The following CMIP variants were observed in gnomAD, a reference collection of about 807,000 sequenced individuals.
CMIP encodes C-Maf-inducing protein.
In CMIP, 13 loss-of-function variants were observed where a neutral mutation model predicts 97.3. The ratio of observed to expected loss-of-function variants is 0.13; its 90% CI spans 0.09 to 0.21. The LOEUF (loss-of-function observed/expected upper bound fraction) is 0.21. Ranked by LOEUF, CMIP falls within the 10% of genes least tolerant of loss-of-function variation. CMIP has a pLI of 1.00. For synonymous variants in CMIP, 538 were observed against 436.3 expected (o/e 1.23, Z -2.91); for missense variants, 847 against 1,024.9 (o/e 0.83, Z 2.37).
At chr16:81,590,714 G>T (rs573061058) in intron 1 of CMIP, among the ~76,000 whole-genome samples, 9 of 152,292 alleles carry the variant, frequency 5.9e-5, no homozygotes, top group African/African-American at 1.7e-4. Flanking sequence ...CCCAGTCCTG[G>T]CGTAAACAAC....
chr16:81,607,381 T>C (rs1200470746), intron 1 of CMIP, among the ~76,000 whole-genome samples, 186 bp from the exon 2 acceptor site: 2 of 152,212 alleles, frequency 1.3e-5, no homozygotes, highest in African/African-American at 4.8e-5. Context: ...GTGAACCCCC[T>C]TGCAGCTGGA....
At chr16:81,645,055 T>G (rs2092348599) in intron 3 of CMIP, among the ~76,000 whole-genome samples, 1 of 152,234 alleles carries the variant, frequency 6.6e-6, no homozygotes, top group Non-Finnish European at 1.5e-5. Context: ...TGCACCACTA[T>G]AGTCACCACT....
chr16:81,704,422 C>T (rs1374468419), intron 18 of CMIP, among the ~76,000 whole-genome samples: 1 of 3,880 alleles, frequency 2.6e-4, no homozygotes, highest in South Asian at 5.1e-3. Flanking sequence ...TCCCTGCCCC[C>T]TCCCCCTCCT....
chr16:81,604,908 G>T (rs949977802), intron 1 of CMIP, among the ~76,000 whole-genome samples: 3 of 152,128 alleles, frequency 2.0e-5, no homozygotes, highest in Non-Finnish European at 4.4e-5. Context: ...TTGTAAGATA[G>T]TCATTAATTT....
intron 1 of CMIP, among the ~76,000 whole-genome samples, chr16:81,517,087 C>G (rs144488242): frequency 0.021 from 3,252 of 151,722 alleles, 52 homozygotes; most frequent in Non-Finnish European, 0.031. Flanking sequence ...CCTTCAAGGT[C>G]ATCAGTGGAA....
At chr16:81,605,398 G>C (rs910674487) in intron 1 of CMIP, among the ~76,000 whole-genome samples, 2 of 151,944 alleles carry the variant, frequency 1.3e-5, no homozygotes, top group African/African-American at 4.8e-5. Context: ...CAGCCTTGTC[G>C]CTCACCTGGA....
At chr16:81,482,183 C>T (rs754722355) in intron 1 of CMIP, among the ~76,000 whole-genome samples, 3 of 151,976 alleles carry the variant, frequency 2.0e-5, no homozygotes, top group Non-Finnish European at 2.9e-5. Context: ...CTGTCCCTGC[C>T]GCCTCTTATA....
intron 3 of CMIP, chr16:81,651,355 C>A (rs1043136328): frequency 4.7e-5 from 43 of 909,606 alleles, no homozygotes; most frequent in Non-Finnish European, 5.7e-5. Context: ...GGAACTAACT[C>A]TGCCTCAAAT....
chr16:81,697,443 C>G (rs1010398504), intron 14 of CMIP: 1 of 152,306 alleles, frequency 6.6e-6, no homozygotes, highest in African/African-American at 2.4e-5. Context: ...GCCGACTCCA[C>G]TTGCTGAGAA....
intron 1 of CMIP, among the ~76,000 whole-genome samples, chr16:81,494,684 G>C (rs2089459432): frequency 6.6e-6 from 1 of 152,198 alleles, no homozygotes; most frequent in South Asian, 2.1e-4. Context: ...CATGGTAGCT[G>C]GGTTCAAACT....
chr16:81,580,784 G>A (rs995721243), intron 1 of CMIP, among the ~76,000 whole-genome samples: 10 of 151,982 alleles, frequency 6.6e-5, no homozygotes, highest in Non-Finnish European at 1.0e-4. Context: ...GCAACAGAGC[G>A]AGACTCTGTC....
At chr16:81,460,598 C>T (rs913710735) in intron 1 of CMIP, among the ~76,000 whole-genome samples, 5 of 152,176 alleles carry the variant, frequency 3.3e-5, no homozygotes, top group African/African-American at 7.2e-5. Context: ...TTCCCCTGTA[C>T]GCTGCCCATG....
chr16:81,569,303 A>C (rs2091040816), intron 1 of CMIP, among the ~76,000 whole-genome samples: 1 of 152,172 alleles, frequency 6.6e-6, no homozygotes, highest in Non-Finnish European at 1.5e-5. Context: ...CAGAGGCAAA[A>C]ACTGAGGCGC....
intron 1 of CMIP, chr16:81,518,403 G>A (rs1356745321): frequency 9.2e-5 from 14 of 152,314 alleles, no homozygotes; most frequent in Admixed American, 9.2e-4. Context: ...ACCTTCACCT[G>A]TCTGGGGAAG....
chr16:81,504,370 C>A (rs1000206281), intron 1 of CMIP, among the ~76,000 whole-genome samples: 1 of 151,738 alleles, frequency 6.6e-6, no homozygotes, highest in African/African-American at 2.4e-5. Flanking sequence ...GGGCTGGGCA[C>A]CATGGCTCAT....
At chr16:81,654,801 A>T (rs76280831) in intron 4 of CMIP, among the ~76,000 whole-genome samples, 1,594 of 152,336 alleles carry the variant, frequency 0.01, 33 homozygotes, top group African/African-American at 0.036. Context: ...CTGCCCAGTG[A>T]TGAAGCTTAT....
At chr16:81,692,970 G>A (rs1209594666) in intron 11 of CMIP, among the ~76,000 whole-genome samples, 188 bp from the exon 12 acceptor site, 1 of 152,162 alleles carries the variant, frequency 6.6e-6, no homozygotes, top group Non-Finnish European at 1.5e-5. Context: ...CTGATCTGCC[G>A]CCTCCTCAAA....
intron 1 of CMIP, among the ~76,000 whole-genome samples, chr16:81,470,424 G>A (rs1393104215): frequency 6.6e-6 from 1 of 152,218 alleles, no homozygotes; most frequent in Non-Finnish European, 1.5e-5. Context: ...TTGCACAGAG[G>A]CCGGGTCACA....
At chr16:81,584,956 C>T (rs1319482395) in intron 1 of CMIP, among the ~76,000 whole-genome samples, 2 of 152,174 alleles carry the variant, frequency 1.3e-5, no homozygotes, top group South Asian at 2.1e-4. Flanking sequence ...TAATATCACC[C>T]GTAAGTTTGG....
Sources: allele counts gnomAD v4.1 joint callset (sites outside exome capture counted in the v4.1 genomes callset), GRCh38; gene constraint gnomAD v4.1.1; transcripts MANE v1.5; gene names NCBI Gene and HGNC (gene_info 2026-07-23, HGNC 2026-07-21).